The following FAM117B variants were observed in gnomAD, a reference collection of about 807,000 sequenced individuals.
The protein encoded by FAM117B is protein FAM117B.
In FAM117B, 22 loss-of-function variants were observed where a neutral mutation model predicts 52.8. The ratio of observed to expected loss-of-function variants is 0.42; its 90% CI spans 0.30 to 0.59. The LOEUF (loss-of-function observed/expected upper bound fraction) is 0.59, where lower values mean the gene tolerates loss of function less well. FAM117B is among the 20% of genes least tolerant of loss of function. FAM117B has a pLI of 0.22. For synonymous variants in FAM117B, 309 were observed against 324.1 expected, an observed-to-expected ratio of 0.95 and a Z score of 0.50; for missense variants, 678 against 802.6, an observed-to-expected ratio of 0.84 and a Z score of 1.88.
intron 1 of FAM117B, among the ~76,000 whole-genome samples, chr2:202,666,035 A>G (rs1292044854): frequency 3.3e-5 from 5 of 152,250 alleles, no homozygotes; most frequent in African/African-American, 9.6e-5. Flanking sequence ...AAATAGCTAT[A>G]AATATGTATT....
intron 1 of FAM117B, among the ~76,000 whole-genome samples, chr2:202,650,086 T>C (rs1689935236): frequency 6.6e-6 from 1 of 152,160 alleles, no homozygotes; most frequent in Non-Finnish European, 1.5e-5. Context: ...AGCCAGTGTT[T>C]TAGAGCAATT....
chr2:202,655,323 G>A (rs1026157427), intron 1 of FAM117B, among the ~76,000 whole-genome samples: 10 of 152,092 alleles, frequency 6.6e-5, no homozygotes, highest in Non-Finnish European at 1.3e-4. Context: ...GAATAAAGGT[G>A]CTATAAACAT....
intron 2 of FAM117B, among the ~76,000 whole-genome samples, chr2:202,718,248 C>T (rs1260738230): frequency 6.6e-6 from 1 of 152,202 alleles, no homozygotes; most frequent in Non-Finnish European, 1.5e-5. Flanking sequence ...GAATCGAGAA[C>T]CCCAACAGTC....
At chr2:202,754,250 T>C (rs1269945518) in intron 4 of FAM117B, among the ~76,000 whole-genome samples, 2 of 152,116 alleles carry the variant, frequency 1.3e-5, no homozygotes, top group African/African-American at 2.4e-5. Flanking sequence ...CTGGAAGCCA[T>C]CATCCTTAGC....
intron 1 of FAM117B, among the ~76,000 whole-genome samples, chr2:202,694,993 A>G (rs900663991): frequency 6.6e-6 from 1 of 152,158 alleles, no homozygotes; most frequent in Non-Finnish European, 1.5e-5. Flanking sequence ...TCTTATTTTC[A>G]TTATGTCCTC....
chr2:202,741,446 AGAATT>A (rs1206971892), intron 4 of FAM117B, among the ~76,000 whole-genome samples: 1 of 125,082 alleles, frequency 8.0e-6, no homozygotes, highest in Non-Finnish European at 1.7e-5. Flanking sequence ...AAAAAAAAAA[AGAATT>A]GGTGATGAAG....
chr2:202,769,255 T>C lies in FAM117B; in HGVS notation c.*3491T>C, dbSNP rs1387294255. ...AAGTCAGAATTTATAGCTTTCACTATGTCCAAGACTAGGACTGGGTTATAA... is the reference window on the plus strand; with the variant it reads ...AAGTCAGAATTTATAGCTTTCACTACGTCCAAGACTAGGACTGGGTTATAA... On this transcript the variant is annotated 3_prime_UTR_variant, in exon 8 of 8. Transcript: ENST00000392238. 2.0e-5 allele frequency: 3 copies of C among 152,512 alleles called. No individual in the cohort carries two copies. The allele number at this position is 152,512 out of a possible 1,614,324, so 9.4% of individuals were successfully genotyped here.
chr2:202,705,473 AG>A (rs2105780292), intron 2 of FAM117B, among the ~76,000 whole-genome samples: 1 of 152,284 alleles, frequency 6.6e-6, no homozygotes, highest in East Asian at 1.9e-4. Context: ...CTTGACACAA[AG>A]GTATTCTCTT....
At chr2:202,644,064 GTTTTTTTT>G (rs1161026426) in intron 1 of FAM117B, among the ~76,000 whole-genome samples, 1 of 95,138 alleles carries the variant, frequency 1.1e-5, no homozygotes, top group Non-Finnish European at 1.9e-5. Flanking sequence ...TTTTTTTTTT[GTTTTTTTT>G]TTTTTTTTTT....
intron 4 of FAM117B, among the ~76,000 whole-genome samples, chr2:202,745,837 C>T (rs1691623727): frequency 6.6e-6 from 1 of 151,952 alleles, no homozygotes; most frequent in Admixed American, 6.6e-5. Flanking sequence ...AGTCAAAAAC[C>T]AAAAAGACAA....
intron 1 of FAM117B, among the ~76,000 whole-genome samples, chr2:202,664,665 T>G (rs559420611): frequency 6.6e-5 from 10 of 152,350 alleles, no homozygotes; most frequent in African/African-American, 2.2e-4. Flanking sequence ...TTTAAAATTT[T>G]GATAGTTCGT....
At chr2:202,749,793 AAAAG>A (rs1191723951) in intron 4 of FAM117B, among the ~76,000 whole-genome samples, 1 of 152,136 alleles carries the variant, frequency 6.6e-6, no homozygotes, top group African/African-American at 2.4e-5. Context: ...TTTAAATAAA[AAAAG>A]AGTAAACAAT....
intron 1 of FAM117B, among the ~76,000 whole-genome samples, chr2:202,665,831 C>T (rs552912824): frequency 1.1e-4 from 17 of 152,172 alleles, no homozygotes; most frequent in Non-Finnish European, 2.1e-4. Context: ...GAACTCCTGA[C>T]CTCGGGTGTT....
rs137993581 is a variant in FAM117B at position 202,680,283 on chromosome 2, G to C, written c.602-15598G>C. Reference sequence around the variant, plus strand: ...ACAAAAAAAGTCTGACAAGGGAGAGGGGGGAGGGATAGCATTAGGAGATAT... The same window carrying C: ...ACAAAAAAAGTCTGACAAGGGAGAGCGGGGAGGGATAGCATTAGGAGATAT... On this transcript the variant is annotated intron_variant, in intron 1 of 7. Coordinates refer to ENST00000392238, the MANE Select transcript of FAM117B (RefSeq NM_173511.4). Among the ~76,000 whole-genome samples, 457 of 152,232 alleles carry C rather than the reference G, an allele frequency of 3.0e-3. 3 individuals are homozygous for C. The highest frequency in any genetic ancestry group is 1.0e-2 in the African/African-American group (414 of 41,546).
chr2:202,754,392 G>A (rs939043393), intron 4 of FAM117B, among the ~76,000 whole-genome samples: 2 of 152,074 alleles, frequency 1.3e-5, no homozygotes, highest in East Asian at 3.9e-4. Flanking sequence ...GTGAAGAGAG[G>A]GAACTTAGAG....
At chr2:202,693,562 C>G (rs1305740335) in intron 1 of FAM117B, among the ~76,000 whole-genome samples, 1 of 152,234 alleles carries the variant, frequency 6.6e-6, no homozygotes, top group Non-Finnish European at 1.5e-5. Flanking sequence ...CCACACTGCA[C>G]TCTAGCCTGG....
intron 6 of FAM117B, among the ~76,000 whole-genome samples, chr2:202,758,033 A>G (rs1355798496): frequency 3.3e-5 from 5 of 152,228 alleles, no homozygotes; most frequent in Non-Finnish European, 7.3e-5. Context: ...TTAGCCTTGC[A>G]TCTATGTCAG....
At chr2:202,683,564 G>T (rs190393994) in intron 1 of FAM117B, among the ~76,000 whole-genome samples, 223 of 152,286 alleles carry the variant, frequency 1.5e-3, no homozygotes, top group Middle Eastern at 3.4e-3. Flanking sequence ...AATTCAACAA[G>T]ATGAAATGGA....
chr2:202,747,825 A>G (rs1191150041), intron 4 of FAM117B, among the ~76,000 whole-genome samples: 1 of 152,188 alleles, frequency 6.6e-6, no homozygotes, highest in African/African-American at 2.4e-5. Flanking sequence ...AAATGGAAAG[A>G]TATCCTATGT....
Sources: allele counts gnomAD v4.1 joint callset (sites outside exome capture counted in the v4.1 genomes callset), GRCh38; gene constraint gnomAD v4.1.1; transcripts MANE v1.5; gene names NCBI Gene and HGNC (gene_info 2026-07-23, HGNC 2026-07-21).